Variants in DAB2IP observed in about 807,000 individuals in gnomAD.
The protein encoded by DAB2IP is disabled homolog 2-interacting protein.
Under a neutral mutation model 107.2 loss-of-function variants are expected in DAB2IP, and 28 were observed. The ratio of observed to expected loss-of-function variants is 0.26; its 90% CI spans 0.19 to 0.36. The LOEUF (loss-of-function observed/expected upper bound fraction) is 0.36, where lower values mean the gene tolerates loss of function less well. Among genes scored for constraint, DAB2IP ranks in the 10% least tolerant of loss-of-function variants. The pLI, the probability that DAB2IP is intolerant of heterozygous loss-of-function variation, is 1.00. For missense variants in DAB2IP, 1,400 were observed against 1,644.7 expected (o/e 0.85, Z 2.57); for synonymous variants, 755 against 706.4 (o/e 1.07, Z -1.09).
intron 1 of DAB2IP, among the ~76,000 whole-genome samples, chr9:121,661,328 G>C (rs1286622188): frequency 6.6e-6 from 1 of 152,072 alleles, no homozygotes; most frequent in Non-Finnish European, 1.5e-5. Flanking sequence ...GAGAAGCTTG[G>C]ATTTCCCATT....
intron 1 of DAB2IP, among the ~76,000 whole-genome samples, chr9:121,626,640 T>A (rs1589424090): frequency 6.6e-6 from 1 of 151,870 alleles, no homozygotes; most frequent in African/African-American, 2.4e-5. Flanking sequence ...GCTAGGCTGG[T>A]CTCAAACTCC....
intron 1 of DAB2IP, among the ~76,000 whole-genome samples, chr9:121,587,933 T>G (rs2118921017): frequency 6.6e-6 from 1 of 152,330 alleles, no homozygotes; most frequent in Non-Finnish European, 1.5e-5. Context: ...TTACCTGGCA[T>G]CTTGTATTTC....
intron 1 of DAB2IP, among the ~76,000 whole-genome samples, chr9:121,614,259 C>G (rs1831188387): frequency 6.6e-6 from 1 of 152,076 alleles, no homozygotes; most frequent in Non-Finnish European, 1.5e-5. Flanking sequence ...ACCTTTCTAG[C>G]CTTGACCTCC....
chr9:121,593,610 C>G (rs1254462406), intron 1 of DAB2IP, among the ~76,000 whole-genome samples: 1 of 149,606 alleles, frequency 6.7e-6, no homozygotes, highest in African/African-American at 2.5e-5. Context: ...TTCTTTCTTT[C>G]TTTCTTTCTT....
chr9:121,767,387 G>T (rs955832590), intron 9 of DAB2IP, among the ~76,000 whole-genome samples: 5 of 152,250 alleles, frequency 3.3e-5, no homozygotes, highest in African/African-American at 9.6e-5. Context: ...GAATGAGCAG[G>T]AGAGCAGTGA....
At chr9:121,741,145 C>T (rs1832311790) in intron 3 of DAB2IP, among the ~76,000 whole-genome samples, 3 of 152,226 alleles carry the variant, frequency 2.0e-5, no homozygotes, top group African/African-American at 7.2e-5. Context: ...CCTCTCCCCA[C>T]ATGCGCACCA....
intron 3 of DAB2IP, 131 bp from the exon 4 acceptor site, chr9:121,756,882 C>G (rs575453426): frequency 2.4e-6 from 3 of 1,271,212 alleles, no homozygotes; most frequent in Non-Finnish European, 3.4e-6. Flanking sequence ...TGTCTTAAGA[C>G]AGAAAGGAGA....
chr9:121,767,261 T>A (rs1311744451), intron 9 of DAB2IP, among the ~76,000 whole-genome samples: 2 of 152,218 alleles, frequency 1.3e-5, no homozygotes, highest in Non-Finnish European at 2.9e-5. Flanking sequence ...TCACTGTTGT[T>A]CATTCTCAAA....
rs1833261983 is a variant in DAB2IP at position 121,662,803 on chromosome 9, G to C, written c.124+10904G>C. On this transcript the variant is annotated intron_variant, in intron 1 of 15. Coordinates refer to ENST00000408936, the Ensembl canonical transcript of DAB2IP. This position sits in a 1 kb window ranked among gnomAD's most constrained non-coding sequence, Gnocchi z 4.6. ...ATATGGTGAAATTGCACATGGCAGA[G>C]AGGAGCAAACACATATGGACACCCT... Among the ~76,000 whole-genome samples the C allele has an allele frequency of 6.6e-6, 1 of 152,236 alleles. No homozygotes were observed. Among genetic ancestry groups the C allele is most frequent in the African/African-American group, 2.4e-5 (1 of 41,458 alleles).
chr9:121,594,146 T>C (rs1830477108), intron 1 of DAB2IP, among the ~76,000 whole-genome samples: 1 of 152,084 alleles, frequency 6.6e-6, no homozygotes, highest in African/African-American at 2.4e-5. Context: ...ATGTTGGCTG[T>C]GTAAACCCAG....
chr9:121,568,542 G>T (rs148312475), intron 1 of DAB2IP, among the ~76,000 whole-genome samples: 1 of 152,206 alleles, frequency 6.6e-6, no homozygotes, highest in African/African-American at 2.4e-5. Flanking sequence ...CCTTGGCCTG[G>T]AAGAGCTCCC....
In DAB2IP at chr9:121,699,156, G is replaced by T. The variant is rs1314042372; in HGVS notation, c.229-169G>T. 6.9e-6 allele frequency among the ~76,000 whole-genome samples: 1 copy of T among 144,904 alleles called. No individual in the cohort carries two copies. On this transcript the variant is annotated intron_variant, in intron 2 of 15. Coordinates refer to ENST00000408936, the Ensembl canonical transcript of DAB2IP. This position sits in a 1 kb window ranked among gnomAD's most constrained non-coding sequence, Gnocchi z 6.2. Reference sequence around the variant, plus strand: ...TGCGCGGGCCGGGCCGTCGGCGCTCGGTCGGCGGGCGGGCGGCGCGGGCCG... The same window carrying T: ...TGCGCGGGCCGGGCCGTCGGCGCTCTGTCGGCGGGCGGGCGGCGCGGGCCG...
intron 1 of DAB2IP, among the ~76,000 whole-genome samples, chr9:121,617,041 G>T (rs1831303619): frequency 6.6e-6 from 1 of 152,234 alleles, no homozygotes; most frequent in South Asian, 2.1e-4. Flanking sequence ...TGAATAAAAA[G>T]GGAGTAGGGT....
At chr9:121,717,594 C>T (rs1004267754) in intron 3 of DAB2IP, among the ~76,000 whole-genome samples, 12 of 152,208 alleles carry the variant, frequency 7.9e-5, no homozygotes, top group African/African-American at 2.9e-4. Context: ...CCTGGGCATT[C>T]TGACCTGCCC....
At chr9:121,667,382 CT>C (rs1034771083) in intron 1 of DAB2IP, among the ~76,000 whole-genome samples, 2 of 152,076 alleles carry the variant, frequency 1.3e-5, no homozygotes, top group Non-Finnish European at 1.5e-5. Flanking sequence ...TGGCCCCTCC[CT>C]CGGGGAGCAC....
chr9:121,648,972 C>T (rs1477718719), upstream of DAB2IP, among the ~76,000 whole-genome samples: 1 of 152,138 alleles, frequency 6.6e-6, no homozygotes, highest in Non-Finnish European at 1.5e-5. Context: ...GGCCAGTTTC[C>T]CAGCAGGATT....
At chr9:121,568,153 A>G (rs1829851657) in intron 1 of DAB2IP, among the ~76,000 whole-genome samples, 1 of 152,194 alleles carries the variant, frequency 6.6e-6, no homozygotes. Context: ...CAGTTCTACT[A>G]AGAAAACCAA....
chr9:121,777,160 A>G lies in DAB2IP; in HGVS notation c.3314+769A>G, dbSNP rs185452818. Among the ~76,000 whole-genome samples the G allele has an allele frequency of 7.9e-5, 12 of 152,272 alleles. No individual in the cohort carries two copies. The East Asian group carries it at 2.3e-3, about 29-fold the overall frequency. On this transcript the variant is annotated intron_variant, in intron 14 of 15. Transcript: ENST00000408936. The stretch of plus-strand genomic sequence containing the variant: ...CGTGGAGTTTACTTCCTTCTCAGTA[A>G]TACCAGGCACGGGAGGAGAGACAGT...
intron 3 of DAB2IP, among the ~76,000 whole-genome samples, chr9:121,700,882 G>T (rs1829739965): frequency 6.6e-6 from 1 of 152,172 alleles, no homozygotes; most frequent in Non-Finnish European, 1.5e-5. Context: ...GACCAGGCGT[G>T]CCCTGGCAGG....
Sources: gnomAD v4.1 joint callset for allele counts (sites outside exome capture counted in the v4.1 genomes callset) on GRCh38, gnomAD v4.1.1 for gene constraint, Gnocchi (gnomAD v3.1) non-coding constraint, MANE v1.5 for transcripts, NCBI Gene and HGNC (gene_info 2026-07-23, HGNC 2026-07-21) for gene names.